Variants in TMTC1 observed in about 807,000 individuals in gnomAD.
TMTC1 encodes protein O-mannosyl-transferase TMTC1.
In TMTC1, 73 loss-of-function variants were observed where a neutral mutation model predicts 104.8. The observed-to-expected ratio is 0.70, with a 90% CI of 0.58 to 0.85. The LOEUF (loss-of-function observed/expected upper bound fraction) is 0.85. Ranked by LOEUF, TMTC1 falls within the 40% of genes least tolerant of loss-of-function variation. The pLI, the probability that TMTC1 is intolerant of heterozygous loss-of-function variation, is 0.00. For missense variants in TMTC1, 1,035 were observed against 1,096.1 expected, an observed-to-expected ratio of 0.94 and a Z score of 0.79; for synonymous variants, 434 against 428.7, an observed-to-expected ratio of 1.01 and a Z score of -0.15.
intron 5 of TMTC1, among the ~76,000 whole-genome samples, chr12:29,675,589 TAC>T (rs10605906): frequency 0.014 from 1,577 of 116,576 alleles, 7 homozygotes; most frequent in South Asian, 0.038. Context: ...CACATGCAAA[TAC>T]ACACACACAC....
At chr12:29,514,833 T>C (rs1180304200) in intron 15 of TMTC1, among the ~76,000 whole-genome samples, 1 of 151,956 alleles carries the variant, frequency 6.6e-6, no homozygotes, top group African/African-American at 2.4e-5. Context: ...GGCAACATGG[T>C]GAAACCCTGT....
At chr12:29,712,286 A>C (rs1190871199) in intron 5 of TMTC1, among the ~76,000 whole-genome samples, 2 of 152,172 alleles carry the variant, frequency 1.3e-5, no homozygotes. Flanking sequence ...AAATGTTCAA[A>C]CAGGCTAACA....
chr12:29,703,130 C>T (rs142207932), intron 5 of TMTC1, among the ~76,000 whole-genome samples: 52 of 143,404 alleles, frequency 3.6e-4, no homozygotes, highest in Non-Finnish European at 6.6e-4. Flanking sequence ...GGTGACAGAG[C>T]GAGACTCAGT....
intron 11 of TMTC1, among the ~76,000 whole-genome samples, chr12:29,526,162 A>T (rs1944337631): frequency 6.6e-6 from 1 of 152,202 alleles, no homozygotes; most frequent in African/African-American, 2.4e-5. Flanking sequence ...AGCAATTTAG[A>T]ATAGTCACCA....
chr12:29,575,761 C>T (rs968735173), intron 8 of TMTC1, among the ~76,000 whole-genome samples: 3 of 152,132 alleles, frequency 2.0e-5, no homozygotes, highest in Admixed American at 6.5e-5. Context: ...GGTAAATACC[C>T]GAGGACGGAT....
At chr12:29,760,813 C>A (rs16934863) in intron 2 of TMTC1, among the ~76,000 whole-genome samples, 15,346 of 149,488 alleles carry the variant, frequency 0.1, 833 homozygotes, top group African/African-American at 0.15. Context: ...TATATTATAC[C>A]ATGATTCATA....
At chr12:29,687,827 T>C (rs2136743090) in intron 5 of TMTC1, among the ~76,000 whole-genome samples, 1 of 152,230 alleles carries the variant, frequency 6.6e-6, no homozygotes, top group South Asian at 2.1e-4. Flanking sequence ...TGCATGCACA[T>C]GTGTGGTGAG....
chr12:29,600,008 A>ATATATATT (rs59108744), intron 7 of TMTC1, among the ~76,000 whole-genome samples: 5 of 118,684 alleles, frequency 4.2e-5, no homozygotes, highest in South Asian at 2.5e-4. Flanking sequence ...ATATATATAT[A>ATATATATT]TTTTTTTTTT....
chr12:29,781,653 C>T (rs721617), intron 1 of TMTC1, among the ~76,000 whole-genome samples: 95,797 of 151,968 alleles, frequency 0.63, 30,838 homozygotes, highest in South Asian at 0.8. Flanking sequence ...TAGGAAGACC[C>T]CATATCTACA....
chr12:29,546,450 G>C (rs1286459673), intron 10 of TMTC1, among the ~76,000 whole-genome samples: 4 of 152,148 alleles, frequency 2.6e-5, no homozygotes, highest in African/African-American at 9.7e-5. Flanking sequence ...ACCAAGAAGG[G>C]AAGGGGCCTT....
intron 7 of TMTC1, among the ~76,000 whole-genome samples, chr12:29,590,964 G>A (rs1358574688): frequency 6.6e-6 from 1 of 152,100 alleles, no homozygotes; most frequent in Admixed American, 6.5e-5. Flanking sequence ...CTTTTAGGTT[G>A]ACAATAGTTT....
At position 29,548,859 on chromosome 12, in the gene TMTC1, TA is replaced by T. The variant is rs1391024022; in HGVS notation, c.1676+7997del. ...TCACTTATCTAAAATATATAATATA[TA>T]AATATATAAATTATATAAAATTAAT... On this transcript the variant is annotated intron_variant, in intron 10 of 17. Coordinates refer to ENST00000539277, the MANE Select transcript of TMTC1 (RefSeq NM_001193451.2). Among the ~76,000 whole-genome samples the T allele has an allele frequency of 2.4e-4, 20 of 83,162 alleles. No individual in the cohort carries two copies. In the East Asian group the frequency reaches 4.6e-3, roughly 19 times the overall value. The allele number at this position is 83,162 out of a possible 152,430, so 54.6% of individuals were successfully genotyped here.
intron 5 of TMTC1, among the ~76,000 whole-genome samples, chr12:29,655,230 A>G (rs10843467): frequency 0.46 from 69,327 of 151,904 alleles, 16,462 homozygotes; most frequent in African/African-American, 0.58. Context: ...ATCTACAGAC[A>G]CAGAAAGTAG....
Position 29,783,576 on chromosome 12 carries a change from T to C in TMTC1, c.176A>G (p.Asn59Ser). The change falls in exon 1 of 18, where the codon AAC becomes AGC. Residue 59 changes from asparagine (N) to serine (S), a missense_variant. Asn to Ser is a conservative substitution (Grantham distance 46). Transcript: ENST00000539277. This position sits in a 1 kb window ranked among gnomAD's most constrained non-coding sequence, Gnocchi z 4.7. ...GGCGCCGGGCCGCACGTCGGGGTTG[T>C]TCACGATCGCCCACACGTCGTCGTG... ...FVHDDVWAIV[N>S]NPDVRPGAPL... The C allele has an allele frequency of 2.0e-6, 3 of 1,484,242 alleles. No individual in the cohort carries two copies. Among genetic ancestry groups the C allele is most frequent in the Non-Finnish European group, 2.7e-6 (3 of 1,121,296 alleles). The allele number at this position is 1,484,242 out of a possible 1,614,324, so 91.9% of individuals were successfully genotyped here.
intron 5 of TMTC1, among the ~76,000 whole-genome samples, chr12:29,675,750 T>G (rs1940705242): frequency 1.3e-5 from 2 of 152,140 alleles, no homozygotes; most frequent in African/African-American, 4.8e-5. Context: ...GAACTAGAAT[T>G]TTCTCACCCA....
chr12:29,643,781 T>TATAATAAA (rs1939071464), intron 5 of TMTC1, among the ~76,000 whole-genome samples: 5 of 31,880 alleles, frequency 1.6e-4, no homozygotes, highest in Non-Finnish European at 2.2e-4. Context: ...ATTTATATAT[T>TATAATAAA]TATATATATT....
intron 5 of TMTC1, among the ~76,000 whole-genome samples, chr12:29,687,707 A>G (rs1941138828): frequency 6.6e-6 from 1 of 152,074 alleles, no homozygotes; most frequent in South Asian, 2.1e-4. Context: ...ACACAAATTT[A>G]TTTTCTCACA....
chr12:29,607,931 C>T (rs1946746142), intron 6 of TMTC1, among the ~76,000 whole-genome samples: 1 of 152,106 alleles, frequency 6.6e-6, no homozygotes, highest in Admixed American at 6.5e-5. Flanking sequence ...GGGGTGTTTT[C>T]CTTTGTTTTT....
chr12:29,679,063 T>G (rs1940826149), intron 5 of TMTC1, among the ~76,000 whole-genome samples: 1 of 152,196 alleles, frequency 6.6e-6, no homozygotes, highest in Admixed American at 6.5e-5. Context: ...TATAGGTGAA[T>G]AGCTAAATAA....
Sources: allele counts gnomAD v4.1 joint callset (sites outside exome capture counted in the v4.1 genomes callset), GRCh38; gene constraint gnomAD v4.1.1; non-coding constraint Gnocchi (gnomAD v3.1); transcripts MANE v1.5; gene names NCBI Gene and HGNC (gene_info 2026-07-23, HGNC 2026-07-21).